The following CEP164 variants were observed in gnomAD, a reference collection of about 807,000 sequenced individuals.
CEP164 encodes centrosomal protein of 164 kDa.
In CEP164, 162 loss-of-function variants were observed where a neutral mutation model predicts 182.7. The ratio of observed to expected loss-of-function variants is 0.89; its 90% CI spans 0.78 to 1.01. The LOEUF (loss-of-function observed/expected upper bound fraction) is 1.01, where lower values mean the gene tolerates loss of function less well. CEP164 is among the 50% of genes least tolerant of loss of function. The pLI, the probability that CEP164 is intolerant of heterozygous loss-of-function variation, is 0.00. For synonymous variants in CEP164, 661 were observed against 690.0 expected (o/e 0.96, Z 0.66); for missense variants, 1,735 against 1,790.4 (o/e 0.97, Z 0.56).
rs766038184 is a variant in CEP164 at position 117,397,091 on chromosome 11, C to T, written c.3279C>T (p.Ser1093=). 1.1e-4 allele frequency: 184 copies of T among 1,613,350 alleles called. No homozygotes were observed. Among genetic ancestry groups the T allele is most frequent in the Non-Finnish European group, 1.5e-4 (178 of 1,179,648 alleles). ...TCCTTCTTCAACTCTCCTGCTCCAGCCTGTCCTCCCACAATGTCTGGCACC... is the reference window on the plus strand; with the variant it reads ...TCCTTCTTCAACTCTCCTGCTCCAGTCTGTCCTCCCACAATGTCTGGCACC... The part of the protein sequence containing the change: ...SQSKEDLYLD[S]LSSHNVWHLL... Residue 1093 remains serine, a splice_region_variant and synonymous_variant, in exon 27 of 33, where the codon AGC becomes AGT. Coordinates refer to ENST00000278935, the MANE Select transcript of CEP164 (RefSeq NM_014956.5).
At chr11:117,364,552 C>A (rs541207761) in intron 8 of CEP164, among the ~76,000 whole-genome samples, 2 of 149,598 alleles carry the variant, frequency 1.3e-5, no homozygotes, top group East Asian at 3.9e-4. Context: ...CCAAGTCTAG[C>A]CATTGGACAG....
At chr11:117,337,484 G>A (rs1457362470) in intron 2 of CEP164, among the ~76,000 whole-genome samples, 1 of 147,426 alleles carries the variant, frequency 6.8e-6, no homozygotes, top group African/African-American at 2.5e-5. Flanking sequence ...GACCAGCCAG[G>A]GCAACATAGT....
chr11:117,369,799 C>G (rs2135878793), intron 8 of CEP164, among the ~76,000 whole-genome samples: 1 of 152,332 alleles, frequency 6.6e-6, no homozygotes, highest in South Asian at 2.1e-4. Context: ...TCTCTTTTGA[C>G]TGACTCTAAG....
chr11:117,390,670 T>C, intron 15 of CEP164, 107 bp from the exon 16 acceptor site: 1 of 1,418,736 alleles, frequency 7.0e-7, no homozygotes, highest in Non-Finnish European at 9.6e-7. Flanking sequence ...TTTAGGAAGT[T>C]TCTTAGGCAG....
In CEP164 at chr11:117,409,058, A is replaced by T; in HGVS notation, c.3748+30A>T. ...GTGGGGGAGATGCGGGGTGAGGACC[A>T]TGGTATCCATGGAATGGGAGGAACT... On this transcript the variant is annotated intron_variant, in intron 29 of 32. Coordinates refer to ENST00000278935, the MANE Select transcript of CEP164 (RefSeq NM_014956.5). The surrounding 1 kb of genome is among the most constrained non-coding windows in gnomAD (Gnocchi z 4.4). The T allele has an allele frequency of 6.2e-7, 1 of 1,613,346 alleles. No homozygotes were observed. Among genetic ancestry groups the T allele is most frequent in the South Asian group, 1.1e-5 (1 of 91,034 alleles).
At chr11:117,381,369 C>T (rs1470755304) in intron 12 of CEP164, among the ~76,000 whole-genome samples, 1 of 152,144 alleles carries the variant, frequency 6.6e-6, no homozygotes, top group East Asian at 1.9e-4. Context: ...GTTCTTCCAC[C>T]CCTCCCTGGC....
chr11:117,328,269 T>C (rs2035624994), intron 1 of CEP164: 1 of 152,320 alleles, frequency 6.6e-6, no homozygotes, highest in Non-Finnish European at 1.5e-5. Flanking sequence ...CCTGGTTTGC[T>C]TGCTCTGTTC....
intron 16 of CEP164, 29 bp downstream of exon 16, chr11:117,390,937 C>T (rs2044569094): frequency 1.2e-6 from 2 of 1,613,916 alleles, no homozygotes; most frequent in East Asian, 4.5e-5. Flanking sequence ...GTGAGCTGCC[C>T]AGCCCTGCGG....
chr11:117,389,013 G>A (rs908980116), intron 15 of CEP164, among the ~76,000 whole-genome samples: 9 of 151,578 alleles, frequency 5.9e-5, no homozygotes, highest in Admixed American at 1.3e-4. Flanking sequence ...CTGATGATCC[G>A]CCTGCCTCGG....
rs2043212344 is a variant in CEP164, at chr11:117,380,611, C to T, written c.1318-3C>T. On this transcript the variant is annotated splice_polypyrimidine_tract_variant and splice_region_variant and intron_variant, in intron 11 of 32. Transcript: ENST00000278935. ...CAAACTTTTTATTGCTTCTCTCCTACAGGCCCAGCAACCACTGGGAATAGA... is the reference window on the plus strand; with the variant it reads ...CAAACTTTTTATTGCTTCTCTCCTATAGGCCCAGCAACCACTGGGAATAGA... 4 of 1,593,742 alleles carry T rather than the reference C, an allele frequency of 2.5e-6. No individual in the cohort carries two copies. The South Asian group carries it at 3.4e-5, about 14-fold the overall frequency.
rs2047431970 is a variant in CEP164 at position 117,412,152 on chromosome 11, A to C, written c.4367A>C (p.Lys1456Thr). Residue 1456 changes from lysine to threonine, a missense_variant, in exon 33 of 33, where the codon AAG becomes ACG. By Grantham distance (78) the Lys-to-Thr change is moderately conservative. Transcript: ENST00000278935. The stretch of plus-strand genomic sequence containing the variant: ...GGCCTTGATGAGCACAACAGAGTGA[A>C]GGTGTATCGCTTCTGAGGCCCTGAG... ...QLGLDEHNRV[K>T]VYRF 1.1e-5 allele frequency: 17 copies of C among 1,614,008 alleles called. No individual in the cohort carries two copies. The East Asian group carries it at 3.8e-4, about 36-fold the overall frequency.
intron 3 of CEP164, among the ~76,000 whole-genome samples, chr11:117,343,686 A>C (rs1257647615): frequency 1.4e-5 from 2 of 143,774 alleles, no homozygotes; most frequent in Non-Finnish European, 3.0e-5. Context: ...GCTGGAGTGC[A>C]GTGGCGTGAT....
Position 117,409,653 on chromosome 11 carries a change from C to A in CEP164, c.3784C>A (p.His1262Asn). Residue 1262 changes from histidine (H) to asparagine (N), a missense_variant, in exon 30 of 33, where the codon CAC becomes AAC. Physicochemically the swap from His to Asn is moderately conservative, Grantham distance 68. Coordinates refer to ENST00000278935, the MANE Select transcript of CEP164 (RefSeq NM_014956.5). This position sits in a 1 kb window ranked among gnomAD's most constrained non-coding sequence, Gnocchi z 4.4. ...CCCGAGTCTCACCTCCCGCAAGATC[C>A]ACGGGCTTAGCCACTCCCTCCGGCA... is the stretch of plus-strand genomic sequence containing the variant. The part of the protein sequence containing the change: ...STPSLTSRKI[H>N]GLSHSLRQIS... 1.9e-6 allele frequency: 3 copies of A among 1,611,996 alleles called. No homozygotes were observed. The highest frequency in any genetic ancestry group is 2.5e-6 in the Non-Finnish European group (3 of 1,178,246).
chr11:117,360,343 A>AT (rs1432540269), intron 5 of CEP164, among the ~76,000 whole-genome samples: 3 of 151,798 alleles, frequency 2.0e-5, no homozygotes, highest in Admixed American at 6.6e-5. Flanking sequence ...AATTTTTTTA[A>AT]TTTTTTTGTA....
rs1157997756 is a variant in CEP164 at position 117,411,665 on chromosome 11, G to A, written c.4164-130G>A. On this transcript the variant is annotated intron_variant, in intron 31 of 32. Coordinates refer to ENST00000278935, the MANE Select transcript of CEP164 (RefSeq NM_014956.5). The surrounding 1 kb of genome is among the most constrained non-coding windows in gnomAD (Gnocchi z 4.4). ...TGTTTTGAAGCTTTGAATTGCTAGG[G>A]ACCTCGGAGAAGCTGCTCTGGTAGC... 7.8e-7 allele frequency: 1 copy of A among 1,288,888 alleles called. No individual in the cohort carries two copies. Among genetic ancestry groups the A allele is most frequent in the Non-Finnish European group, 1.1e-6 (1 of 928,584 alleles). 79.8% of individuals were successfully genotyped at this position (1,288,888 alleles called of 1,614,324 possible).
chr11:117,393,197 A>T (rs2044934893), intron 20 of CEP164, 71 bp downstream of exon 20: 1 of 1,566,138 alleles, frequency 6.4e-7, no homozygotes, highest in Middle Eastern at 2.0e-4. Context: ...GCACACACAC[A>T]TGCACACACA....
chr11:117,331,750 ATT>A (rs34206351), intron 1 of CEP164, among the ~76,000 whole-genome samples: 18 of 142,006 alleles, frequency 1.3e-4, no homozygotes, highest in Non-Finnish European at 1.4e-4. Flanking sequence ...TTGCTGGTGT[ATT>A]TTTTTTTTTT....
At chr11:117,370,076 C>G (rs2042050740) in intron 8 of CEP164, among the ~76,000 whole-genome samples, 1 of 152,236 alleles carries the variant, frequency 6.6e-6, no homozygotes, top group Admixed American at 6.5e-5. Flanking sequence ...GGCGACTCTG[C>G]TGGGCTGACC....
intron 1 of CEP164, among the ~76,000 whole-genome samples, chr11:117,330,104 G>T (rs886795611): frequency 6.6e-6 from 1 of 151,832 alleles, no homozygotes; most frequent in African/African-American, 2.4e-5. Flanking sequence ...GCTTATCCTG[G>T]GGATCACCTG....
Sources: gnomAD v4.1 joint callset for allele counts (sites outside exome capture counted in the v4.1 genomes callset) on GRCh38, gnomAD v4.1.1 for gene constraint, Gnocchi (gnomAD v3.1) non-coding constraint, MANE v1.5 for transcripts, NCBI Gene and HGNC (gene_info 2026-07-23, HGNC 2026-07-21) for gene names.